The following ADCYAP1R1 variants were observed in gnomAD, a reference collection of about 807,000 sequenced individuals.
ADCYAP1R1 encodes the protein ADCYAP receptor type I.
A neutral mutation model predicts 67.6 loss-of-function variants in ADCYAP1R1; 44 were observed. The observed-to-expected ratio is 0.65, with a 90% CI of 0.51 to 0.84. The LOEUF (loss-of-function observed/expected upper bound fraction) is 0.84, where lower values mean the gene tolerates loss of function less well. ADCYAP1R1 is among the 40% of genes least tolerant of loss of function. ADCYAP1R1 has a pLI of 0.00. For synonymous variants in ADCYAP1R1, 222 were observed against 219.6 expected (o/e 1.01, Z -0.10); for missense variants, 477 against 587.9 (o/e 0.81, Z 1.95).
Position 31,085,290 on chromosome 7 carries a change from C to T in ADCYAP1R1, c.537-20C>T. The T allele has an allele frequency of 1.2e-6, 2 of 1,609,712 alleles. No homozygotes were observed. Among genetic ancestry groups the T allele is most frequent in the Non-Finnish European group, 1.7e-6 (2 of 1,178,016 alleles). On this transcript the variant is annotated intron_variant, in intron 8 of 15. Coordinates refer to ENST00000304166, the MANE Select transcript of ADCYAP1R1 (RefSeq NM_001118.5). ...GCTGTGGGGTCCAAGGCTTCTTTCTCCCCTGGCCCACTCATGTAGGAAGCT... is the reference window on the plus strand; with the variant it reads ...GCTGTGGGGTCCAAGGCTTCTTTCTTCCCTGGCCCACTCATGTAGGAAGCT...
At chr7:31,105,101 C>T (rs911835125) in intron 15 of ADCYAP1R1, among the ~76,000 whole-genome samples, 192 bp downstream of exon 15, 2 of 152,228 alleles carry the variant, frequency 1.3e-5, no homozygotes, top group Admixed American at 6.5e-5. Context: ...ATACCCACAC[C>T]CTGTGCTGGA....
chr7:31,108,030 A>C lies in ADCYAP1R1; in HGVS notation c.*1346A>C, dbSNP rs989374315. ...AGCTGGGGAGGTAGAGGAAAGTGCT[A>C]GAGTACATGGTCCGTGTGTGGCCTA... On this transcript the variant is annotated 3_prime_UTR_variant, in exon 16 of 16. Coordinates refer to ENST00000304166, the MANE Select transcript of ADCYAP1R1 (RefSeq NM_001118.5). 6.6e-6 allele frequency: 1 copy of C among 152,282 alleles called. No individual in the cohort carries two copies. Among genetic ancestry groups the C allele is most frequent in the Non-Finnish European group, 1.5e-5 (1 of 68,076 alleles). The allele number at this position is 152,282 out of a possible 1,614,324, so 9.4% of individuals were successfully genotyped here.
chr7:31,066,359 G>A (rs896580136), intron 3 of ADCYAP1R1, among the ~76,000 whole-genome samples: 16 of 152,164 alleles, frequency 1.1e-4, no homozygotes, highest in Non-Finnish European at 2.4e-4. Context: ...CAGGGACCTC[G>A]GTGTAGGCTG....
intron 13 of ADCYAP1R1, chr7:31,100,143 T>C: frequency 6.4e-7 from 1 of 1,550,548 alleles, no homozygotes; most frequent in Non-Finnish European, 8.7e-7. Context: ...CGTGCAGAAA[T>C]GCTACTGCAA....
intron 12 of ADCYAP1R1, among the ~76,000 whole-genome samples, chr7:31,087,900 C>CA (rs961456094): frequency 6.6e-6 from 1 of 152,050 alleles, no homozygotes; most frequent in African/African-American, 2.4e-5. Context: ...TTCCTTATTA[C>CA]AAAAAATAGA....
At chr7:31,090,998 A>G (rs1795941480) in intron 12 of ADCYAP1R1, among the ~76,000 whole-genome samples, 1 of 152,236 alleles carries the variant, frequency 6.6e-6, no homozygotes, top group Admixed American at 6.5e-5. Context: ...TCTCCAAACT[A>G]CTTTCCATGG....
chr7:31,077,407 G>T (rs1382265724), intron 3 of ADCYAP1R1, among the ~76,000 whole-genome samples: 1 of 58,894 alleles, frequency 1.7e-5, no homozygotes, highest in East Asian at 3.9e-4. Flanking sequence ...TGTGTGTGGT[G>T]TGTGTGTGAT....
At chr7:31,100,962 G>GGGCA (rs1309446639) in intron 13 of ADCYAP1R1, among the ~76,000 whole-genome samples, 1 of 152,214 alleles carries the variant, frequency 6.6e-6, no homozygotes, top group African/African-American at 2.4e-5. Context: ...TGGCTCCTCA[G>GGGCA]GGCAGGAGGA....
Position 31,080,071 on chromosome 7 carries a change from T to C in ADCYAP1R1, c.266-542T>C, listed in dbSNP as rs193140388. Among the ~76,000 whole-genome samples, 301 of 152,366 alleles carry C rather than the reference T, an allele frequency of 2.0e-3. 5 individuals carry two copies. Among genetic ancestry groups the C allele is most frequent in the African/African-American group, 6.7e-3 (280 of 41,590 alleles). On this transcript the variant is annotated intron_variant, in intron 4 of 15. Transcript: ENST00000304166. ...CTCTGGGTCAGATTCCATGCCAGAC[T>C]CCGTCTTCTCAACAACGAAAGGCAA... is the stretch of plus-strand genomic sequence containing the variant.
rs143992055 is a variant in ADCYAP1R1, at chr7:31,100,202, C to T, written c.1047-3035C>T. 127 of 1,550,568 alleles carry T rather than the reference C, an allele frequency of 8.2e-5. 2 individuals are homozygous for T. The East Asian group carries it at 3.1e-3, about 38-fold the overall frequency. ...CTTGCAAGATGTCAGAACTGTCCAC[C>T]ATTACTCTGTAAGTGTGCGTGGCCG... On this transcript the variant is annotated intron_variant, in intron 13 of 15. Transcript: ENST00000304166.
At chr7:31,064,995 C>T in intron 3 of ADCYAP1R1, 59 bp downstream of exon 3, 1 of 1,372,098 alleles carries the variant, frequency 7.3e-7, no homozygotes, top group Non-Finnish European at 1.0e-6. Flanking sequence ...GAACTGTTTT[C>T]CTGTGCTCAG....
intron 13 of ADCYAP1R1, among the ~76,000 whole-genome samples, chr7:31,094,451 C>T (rs1796100998): frequency 6.6e-6 from 1 of 152,110 alleles, no homozygotes; most frequent in Non-Finnish European, 1.5e-5. Context: ...TAATAGTTGT[C>T]TCCCATATTT....
chr7:31,076,522 C>T (rs955415263), intron 3 of ADCYAP1R1, among the ~76,000 whole-genome samples: 1 of 152,180 alleles, frequency 6.6e-6, no homozygotes, highest in Non-Finnish European at 1.5e-5. Flanking sequence ...CAATGAGGCA[C>T]CAAATCTTGG....
At chr7:31,071,548 C>T (rs1339976261) in intron 3 of ADCYAP1R1, among the ~76,000 whole-genome samples, 1 of 152,184 alleles carries the variant, frequency 6.6e-6, no homozygotes, top group East Asian at 1.9e-4. Context: ...GGGCTGCACT[C>T]GGCCATCTCC....
chr7:31,099,112 C>G (rs1378366426), intron 13 of ADCYAP1R1, among the ~76,000 whole-genome samples: 4 of 152,200 alleles, frequency 2.6e-5, no homozygotes, highest in Admixed American at 2.6e-4. Flanking sequence ...GAGAGTCAGC[C>G]TGAGACCTCC....
chr7:31,094,365 C>T (rs1242422191), intron 13 of ADCYAP1R1, among the ~76,000 whole-genome samples: 2 of 152,108 alleles, frequency 1.3e-5, no homozygotes, highest in Admixed American at 6.5e-5. Context: ...CTCGCCTCAT[C>T]TCCTGTCTAG....
At chr7:31,096,780 G>T (rs944249510) in intron 13 of ADCYAP1R1, among the ~76,000 whole-genome samples, 5 of 152,154 alleles carry the variant, frequency 3.3e-5, no homozygotes, top group Non-Finnish European at 7.4e-5. Context: ...CTCCGGGGGT[G>T]CACAGCATCT....
chr7:31,068,215 G>GCACA (rs1554300587), intron 3 of ADCYAP1R1, among the ~76,000 whole-genome samples: 5,685 of 149,956 alleles, frequency 0.038, 238 homozygotes, highest in African/African-American at 0.095. Flanking sequence ...ATGTGCGCGC[G>GCACA]CACACACACA....
At position 31,102,888 on chromosome 7, in the gene ADCYAP1R1, C is replaced by G. The variant is rs570697747; in HGVS notation, c.1047-349C>G. 6.6e-6 allele frequency among the ~76,000 whole-genome samples: 1 copy of G among 152,328 alleles called. No homozygotes were observed. Among genetic ancestry groups the G allele is most frequent in the South Asian group, 2.1e-4 (1 of 4,826 alleles). The stretch of plus-strand genomic sequence containing the variant: ...AGAGCGGCTGCTCTGCCTGAGGACC[C>G]TGCATTTCCCACAAGCTTGTCAGTC... On this transcript the variant is annotated intron_variant, in intron 13 of 15. Transcript: ENST00000304166. The surrounding 1 kb of genome is among the most constrained non-coding windows in gnomAD (Gnocchi z 4.3).
Sources: gnomAD v4.1 joint callset for allele counts (sites outside exome capture counted in the v4.1 genomes callset) on GRCh38, gnomAD v4.1.1 for gene constraint, Gnocchi (gnomAD v3.1) non-coding constraint, MANE v1.5 for transcripts, NCBI Gene and HGNC (gene_info 2026-07-23, HGNC 2026-07-21) for gene names.